Variants in GALNT13 observed in about 807,000 individuals in gnomAD.
GALNT13 encodes the protein UDP-GalNAc:polypeptide N-acetylgalactosaminyltransferase 13.
Under a neutral mutation model 64.2 loss-of-function variants are expected in GALNT13, and 28 were observed. That is an observed-to-expected ratio of 0.44 (90% CI 0.32 to 0.60). GALNT13 has a LOEUF of 0.60. Ranked by LOEUF, GALNT13 falls within the 20% of genes least tolerant of loss-of-function variation. The probability of loss-of-function intolerance (pLI) is 0.05; values close to 1 mark genes in which losing one functional copy is unlikely to be tolerated. For missense variants in GALNT13, 577 were observed against 669.8 expected, an observed-to-expected ratio of 0.86 and a Z score of 1.53; for synonymous variants, 214 against 224.6, an observed-to-expected ratio of 0.95 and a Z score of 0.42.
chr2:153,703,698 C>T, the GALNT13 span, among the ~76,000 whole-genome samples: 1 of 152,098 alleles, frequency 6.6e-6, no homozygotes, highest in Non-Finnish European at 1.5e-5. Context: ...CTATGTTTAG[C>T]CTTATCAAAC....
In GALNT13 at chr2:154,242,246, TTTG is replaced by T. The variant is rs1207788427; in HGVS notation, c.478+53_478+55del. On this transcript the variant is annotated intron_variant, in intron 5 of 12. Coordinates refer to ENST00000392825, the MANE Select transcript of GALNT13 (RefSeq NM_052917.4). ...TTTTTGTTTTTTTGTTTTGTTTTGT[TTTG>T]TTTTTTTGTATTAGAAAGCTTTATT... The T allele has an allele frequency of 2.0e-6, 3 of 1,525,276 alleles. No homozygotes were observed. In the African/African-American group the frequency reaches 4.1e-5, roughly 21 times the overall value. 94.5% of individuals were successfully genotyped at this position (1,525,276 alleles called of 1,614,324 possible).
chr2:154,359,328 G>A (rs1397073323), intron 9 of GALNT13, among the ~76,000 whole-genome samples: 1 of 152,064 alleles, frequency 6.6e-6, no homozygotes, highest in Non-Finnish European at 1.5e-5. Flanking sequence ...TATACTCCAA[G>A]TTCAAATGAC....
chr2:153,852,122 TA>T, the GALNT13 span, among the ~76,000 whole-genome samples: 31 of 150,402 alleles, frequency 2.1e-4, no homozygotes, highest in Non-Finnish European at 3.0e-4. Flanking sequence ...GAAATAGAAG[TA>T]AAAAAAAATA....
chr2:154,238,423 GT>G (rs1419041553), intron 4 of GALNT13, among the ~76,000 whole-genome samples: 1 of 151,918 alleles, frequency 6.6e-6, no homozygotes, highest in East Asian at 1.9e-4. Flanking sequence ...ATGGACTCTA[GT>G]GATAAGAAAG....
At chr2:153,350,052 C>A in the GALNT13 span, among the ~76,000 whole-genome samples, 3 of 152,116 alleles carry the variant, frequency 2.0e-5, no homozygotes, top group Non-Finnish European at 4.4e-5. Flanking sequence ...TCACTCTTAC[C>A]GAGGTATAGT....
At chr2:154,111,846 T>C (rs1411293683) in intron 3 of GALNT13, among the ~76,000 whole-genome samples, 3 of 152,206 alleles carry the variant, frequency 2.0e-5, no homozygotes, top group African/African-American at 7.2e-5. Context: ...CACTGTTCTA[T>C]AAATCCAGGT....
the GALNT13 span, among the ~76,000 whole-genome samples, chr2:153,519,269 T>C: frequency 6.6e-6 from 1 of 152,206 alleles, no homozygotes; most frequent in Non-Finnish European, 1.5e-5. Context: ...ATTGTTGATA[T>C]TGTTAGCAGA....
intron 3 of GALNT13, among the ~76,000 whole-genome samples, chr2:153,974,442 T>G (rs1224344393): frequency 6.6e-6 from 1 of 152,098 alleles, no homozygotes; most frequent in Non-Finnish European, 1.5e-5. Flanking sequence ...ACCACATGGA[T>G]TTTTATTCCT....
chr2:154,437,603 T>A (rs1227336827), intron 11 of GALNT13: 1 of 1,180,456 alleles, frequency 8.5e-7, no homozygotes, highest in African/African-American at 1.6e-5. Flanking sequence ...ACACCTGTAA[T>A]CCCAGCACTT....
At chr2:153,739,270 TCCCTAATA>T in the GALNT13 span, among the ~76,000 whole-genome samples, 1 of 151,734 alleles carries the variant, frequency 6.6e-6, no homozygotes, top group Non-Finnish European at 1.5e-5. Flanking sequence ...CACAAAGAGT[TCCCTAATA>T]CCTCTCCCAA....
intron 2 of GALNT13, among the ~76,000 whole-genome samples, chr2:153,931,524 T>C (rs1690518515): frequency 6.6e-6 from 1 of 152,064 alleles, no homozygotes; most frequent in Admixed American, 6.6e-5. Context: ...ATATACTCAT[T>C]TCATGCCTAG....
intron 3 of GALNT13, among the ~76,000 whole-genome samples, chr2:154,136,956 G>T (rs10194756): frequency 1 from 150,035 of 150,156 alleles, 74,958 homozygotes; most frequent in Middle Eastern, 1. Context: ...ATGACAAGTG[G>T]TTTTTTTTTT....
At chr2:153,128,036 C>T in the GALNT13 span, among the ~76,000 whole-genome samples, 2 of 151,964 alleles carry the variant, frequency 1.3e-5, no homozygotes, top group East Asian at 1.9e-4. Context: ...AATGACTTGC[C>T]CAAAGTCAAC....
intron 3 of GALNT13, among the ~76,000 whole-genome samples, chr2:154,020,004 A>T (rs1212800911): frequency 6.6e-6 from 1 of 152,126 alleles, no homozygotes; most frequent in Non-Finnish European, 1.5e-5. Flanking sequence ...TTCCATTTTC[A>T]TCCATGTCTC....
chr2:153,892,274 G>T (rs1263351659), intron 1 of GALNT13, among the ~76,000 whole-genome samples: 1 of 151,966 alleles, frequency 6.6e-6, no homozygotes, highest in African/African-American at 2.4e-5. Context: ...GATGCAGTAG[G>T]ATAAAGGGCT....
chr2:154,002,977 T>C (rs1327331299), intron 3 of GALNT13, among the ~76,000 whole-genome samples: 4 of 152,200 alleles, frequency 2.6e-5, no homozygotes, highest in Non-Finnish European at 5.9e-5. Context: ...CAGAATTTAA[T>C]TGGTAACCTT....
intron 3 of GALNT13, among the ~76,000 whole-genome samples, chr2:154,066,292 A>G (rs990760278): frequency 3.9e-5 from 6 of 152,174 alleles, no homozygotes; most frequent in African/African-American, 1.4e-4. Context: ...GTAGAGAGAG[A>G]GATAGAAGTA....
chr2:153,353,710 G>A, the GALNT13 span, among the ~76,000 whole-genome samples: 1 of 152,086 alleles, frequency 6.6e-6, no homozygotes, highest in Non-Finnish European at 1.5e-5. Context: ...ATAGGATCAT[G>A]TGATATTTTT....
the GALNT13 span, among the ~76,000 whole-genome samples, chr2:153,151,617 T>C: frequency 6.6e-6 from 1 of 152,138 alleles, no homozygotes; most frequent in East Asian, 1.9e-4. Context: ...TAAGAAAATG[T>C]GGCACATATA....
Sources: allele counts gnomAD v4.1 joint callset (sites outside exome capture counted in the v4.1 genomes callset), GRCh38; gene constraint gnomAD v4.1.1; transcripts MANE v1.5; gene names NCBI Gene and HGNC (gene_info 2026-07-23, HGNC 2026-07-21).